VGLL3: variants seen among roughly 807,000 people sequenced by gnomAD.
VGLL3 encodes the protein transcription cofactor vestigial-like protein 3.
VGLL3 carries 18 observed loss-of-function variants against 29.2 expected under a neutral mutation model. The observed-to-expected ratio is 0.62, with a 90% CI of 0.43 to 0.91. The LOEUF (loss-of-function observed/expected upper bound fraction) is 0.91, where lower values mean the gene tolerates loss of function less well. Among genes scored for constraint, VGLL3 ranks in the 40% least tolerant of loss-of-function variants. VGLL3 has a pLI of 0.00. For missense variants in VGLL3, 440 were observed against 413.2 expected (o/e 1.06, Z -0.56); for synonymous variants, 180 against 151.8 (o/e 1.19, Z -1.36).
chr3:86,956,553 G>A (rs1357354249), intron 3 of VGLL3, among the ~76,000 whole-genome samples: 4 of 152,098 alleles, frequency 2.6e-5, no homozygotes, highest in African/African-American at 7.2e-5. Context: ...TTTGGAGGCC[G>A]AGGCGGGCGG....
At chr3:86,950,565 A>G (rs1704595608) in intron 3 of VGLL3, among the ~76,000 whole-genome samples, 1 of 152,210 alleles carries the variant, frequency 6.6e-6, no homozygotes, top group Non-Finnish European at 1.5e-5. Flanking sequence ...AAAACTTAAC[A>G]GATTATTATA....
chr3:86,984,629 A>G (rs1466409876), intron 1 of VGLL3, among the ~76,000 whole-genome samples: 12 of 152,186 alleles, frequency 7.9e-5, no homozygotes, highest in Admixed American at 7.9e-4. Context: ...GTATAATTCT[A>G]TTACTAGACT....
rs1415385054 is a variant in VGLL3 at position 86,938,429 on chromosome 3, C to T, written c.*8595G>A. On this transcript the variant is annotated 3_prime_UTR_variant, in exon 4 of 4. Transcript: ENST00000398399. The stretch of plus-strand genomic sequence containing the variant: ...GTTTAAAGCTATATTTTCCTTTTAG[C>T]AAGATCCACAAGAAAGGATAGAGTG... The T allele has an allele frequency of 6.6e-6, 1 of 152,586 alleles. No homozygotes were observed. Among genetic ancestry groups the T allele is most frequent in the Non-Finnish European group, 1.5e-5 (1 of 68,008 alleles). 9.5% of individuals were successfully genotyped at this position (152,586 alleles called of 1,614,324 possible).
rs1300932044 is a variant in VGLL3, at chr3:86,944,044, G to A, written c.*2980C>T. 6.6e-6 allele frequency: 1 copy of A among 152,134 alleles called. No homozygotes were observed. Among genetic ancestry groups the A allele is most frequent in the African/African-American group, 2.4e-5 (1 of 41,420 alleles). The allele number at this position is 152,134 out of a possible 1,614,324, so 9.4% of individuals were successfully genotyped here. On this transcript the variant is annotated 3_prime_UTR_variant, in exon 4 of 4. Transcript: ENST00000398399. ...ACAGCATCATTTTGATGTGAAAAAA[G>A]AAGAGCCAGAGAATGACAGGATTTT...
At position 86,988,640 on chromosome 3, in the gene VGLL3, C is replaced by CAAAAAAAAAAAAAAAAAAAAAAA. The variant is rs869098443; in HGVS notation, c.126+1955_126+1977dup. ...TGGTCAAACAGTTTCTTTACTTGAC[C>CAAAAAAAAAAAAAAAAAAAAAAA]AAAAAAAAAAAAAAAAAAAAAAAAA... On this transcript the variant is annotated intron_variant, in intron 1 of 3. Coordinates refer to ENST00000398399, the MANE Select transcript of VGLL3 (RefSeq NM_016206.4). Among the ~76,000 whole-genome samples, 8 of 13,770 alleles carry CAAAAAAAAAAAAAAAAAAAAAAA rather than the reference C, an allele frequency of 5.8e-4. 2 individuals carry two copies. The highest frequency in any genetic ancestry group is 1.7e-3 in the Non-Finnish European group (6 of 3,474). 9.0% of individuals were successfully genotyped at this position (13,770 alleles called of 152,430 possible). A position where few individuals can be genotyped will look rare whatever the true frequency, so the allele number is the denominator to read the frequency against.
chr3:86,943,618 A>G lies in VGLL3; in HGVS notation c.*3406T>C, dbSNP rs1446203471. 1 of 152,144 alleles carries G rather than the reference A, an allele frequency of 6.6e-6. No homozygotes were observed. Among genetic ancestry groups the G allele is most frequent in the Non-Finnish European group, 1.5e-5 (1 of 68,014 alleles). The allele number at this position is 152,144 out of a possible 1,614,324, so 9.4% of individuals were successfully genotyped here. ...ATCTTAGCCATTTTTGCTTAACAAA[A>G]TAATATAAATACTCTTAAGAAGAAA... is the stretch of plus-strand genomic sequence containing the variant. On this transcript the variant is annotated 3_prime_UTR_variant, in exon 4 of 4. Transcript: ENST00000398399.
rs1333461904 is a variant in VGLL3, at chr3:86,942,708, A to G, written c.*4316T>C. ...TGGACCTACATGCCACTTTAAGGTT[A>G]ATTTATTTTTCCTTCAGAAATGACA... On this transcript the variant is annotated 3_prime_UTR_variant, in exon 4 of 4. Coordinates refer to ENST00000398399, the MANE Select transcript of VGLL3 (RefSeq NM_016206.4). 6.6e-6 allele frequency: 1 copy of G among 152,176 alleles called. No individual in the cohort carries two copies. Among genetic ancestry groups the G allele is most frequent in the African/African-American group, 2.4e-5 (1 of 41,446 alleles). 9.4% of individuals were successfully genotyped at this position (152,176 alleles called of 1,614,324 possible). A position where few individuals can be genotyped will look rare whatever the true frequency, so the allele number is the denominator to read the frequency against.
chr3:86,984,402 A>T (rs7627441), intron 1 of VGLL3, among the ~76,000 whole-genome samples: 13,286 of 152,164 alleles, frequency 0.087, 1,572 homozygotes, highest in African/African-American at 0.27. Flanking sequence ...ATGATTCTTG[A>T]CATTATCAAA....
Position 86,960,852 on chromosome 3 carries a change from G to T in VGLL3, c.937+7738C>A, listed in dbSNP as rs547101459. On this transcript the variant is annotated intron_variant, in intron 3 of 3. Coordinates refer to ENST00000398399, the MANE Select transcript of VGLL3 (RefSeq NM_016206.4). ...GCCTAGTTTTTTTGAGAGGCAAAAG[G>T]TACATCAACATATGTTTACTCCCTC... Among the ~76,000 whole-genome samples the T allele has an allele frequency of 2.2e-4, 33 of 150,646 alleles. 1 individual carries two copies. The highest frequency in any genetic ancestry group is 3.5e-3 in the Middle Eastern group (1 of 288).
chr3:86,939,725 G>A lies in VGLL3; in HGVS notation c.*7299C>T, dbSNP rs1306566027. ...ACAGATGCAGCTATTGTAATCACAT[G>A]AGTCCTTAAATATGTAAGGGAGAGG... On this transcript the variant is annotated 3_prime_UTR_variant, in exon 4 of 4. Transcript: ENST00000398399. 1 of 152,240 alleles carries A rather than the reference G, an allele frequency of 6.6e-6. No individual in the cohort carries two copies. The highest frequency in any genetic ancestry group is 2.4e-5 in the African/African-American group (1 of 41,448). The allele number at this position is 152,240 out of a possible 1,614,324, so 9.4% of individuals were successfully genotyped here.
rs1705551452 is a variant in VGLL3, at chr3:86,990,285, A to G, written c.126+333T>C. On this transcript the variant is annotated intron_variant, in intron 1 of 3. Coordinates refer to ENST00000398399, the MANE Select transcript of VGLL3 (RefSeq NM_016206.4). ...CAAATAAACAAAATAGTTGGTTGAA[A>G]GGAAGTTTACTCACATGGTCCTAAG... is the stretch of plus-strand genomic sequence containing the variant. 5 of 984,012 alleles carry G rather than the reference A, an allele frequency of 5.1e-6. No individual in the cohort carries two copies. In the South Asian group the frequency reaches 2.4e-4, roughly 46 times the overall value. 61.0% of individuals were successfully genotyped at this position (984,012 alleles called of 1,614,324 possible). A position where few individuals can be genotyped will look rare whatever the true frequency, so the allele number is the denominator to read the frequency against.
At position 86,978,533 on chromosome 3, in the gene VGLL3, T is replaced by C. The variant is rs559101684; in HGVS notation, c.396A>G (p.Leu132=). 11 of 1,614,130 alleles carry C rather than the reference T, an allele frequency of 6.8e-6. No homozygotes were observed. Among genetic ancestry groups the C allele is most frequent in the African/African-American group, 2.7e-5 (2 of 75,064 alleles). Residue 132 remains leucine (L), a synonymous_variant, in exon 2 of 4, where the codon CTA becomes CTG. Coordinates refer to ENST00000398399, the MANE Select transcript of VGLL3 (RefSeq NM_016206.4). ...CTGCTTTTGAATTCTTACCTCGCCA[T>C]AGGGGGGTTAGCCCCATCTTGCTTT... ...ISKSKMGLTP[L]WRDSSALSSQ... is the part of the protein sequence containing the mutation.
chr3:86,954,902 C>CA lies in VGLL3; in HGVS notation c.938-7836dup, dbSNP rs879461102. On this transcript the variant is annotated intron_variant, in intron 3 of 3. Transcript: ENST00000398399. ...TCCCAGAACTGGAGAGGAGCAAAAC[C>CA]AAAAAAAAAAAAGCTTGGATCACTT... 2.7e-3 allele frequency among the ~76,000 whole-genome samples: 343 copies of CA among 128,076 alleles called. 7 individuals are homozygous for CA. Among genetic ancestry groups the CA allele is most frequent in the African/African-American group, 5.5e-3 (179 of 32,294 alleles). The allele number at this position is 128,076 out of a possible 152,430, so 84.0% of individuals were successfully genotyped here. A position where few individuals can be genotyped will look rare whatever the true frequency, so the allele number is the denominator to read the frequency against.
intron 3 of VGLL3, among the ~76,000 whole-genome samples, chr3:86,958,109 A>G (rs1266383153): frequency 6.6e-6 from 1 of 152,126 alleles, no homozygotes; most frequent in Non-Finnish European, 1.5e-5. Context: ...GCAATACCAT[A>G]TGGAACACAA....
intron 3 of VGLL3, among the ~76,000 whole-genome samples, chr3:86,957,068 G>A (rs551113714): frequency 6.6e-6 from 1 of 151,874 alleles, no homozygotes; most frequent in Admixed American, 6.6e-5. Context: ...TCAACAATAC[G>A]TAAGCATAAT....
chr3:86,972,156 A>G (rs1389129734), intron 2 of VGLL3, among the ~76,000 whole-genome samples: 1 of 152,226 alleles, frequency 6.6e-6, no homozygotes, highest in African/African-American at 2.4e-5. Flanking sequence ...TAATGAATCA[A>G]TTATTTATCA....
chr3:86,959,112 T>C (rs1704784122), intron 3 of VGLL3, among the ~76,000 whole-genome samples: 1 of 152,198 alleles, frequency 6.6e-6, no homozygotes, highest in Non-Finnish European at 1.5e-5. Flanking sequence ...GTTCTAACTA[T>C]CCTAGCTGAG....
chr3:86,951,209 A>C (rs1483655931), intron 3 of VGLL3, among the ~76,000 whole-genome samples: 3 of 152,108 alleles, frequency 2.0e-5, no homozygotes, highest in Admixed American at 1.3e-4. Context: ...TTCCTTAAAA[A>C]CTTGAAGATT....
Position 86,945,485 on chromosome 3 carries a change from C to A in VGLL3, c.*1539G>T, listed in dbSNP as rs1185338226. ...CTAAAAAACTTCTCTAATACACTAA[C>A]TTTTTTACATGACATCTCTGGAAGC... On this transcript the variant is annotated 3_prime_UTR_variant, in exon 4 of 4. Coordinates refer to ENST00000398399, the MANE Select transcript of VGLL3 (RefSeq NM_016206.4). 1 of 152,068 alleles carries A rather than the reference C, an allele frequency of 6.6e-6. No individual in the cohort carries two copies. The highest frequency in any genetic ancestry group is 1.5e-5 in the Non-Finnish European group (1 of 67,986). The allele number at this position is 152,068 out of a possible 1,614,324, so 9.4% of individuals were successfully genotyped here.
Sources: allele counts gnomAD v4.1 joint callset (sites outside exome capture counted in the v4.1 genomes callset), GRCh38; gene constraint gnomAD v4.1.1; transcripts MANE v1.5; gene names NCBI Gene and HGNC (gene_info 2026-07-23, HGNC 2026-07-21).